Variants in OTUD7A observed in about 807,000 individuals in gnomAD.
OTUD7A encodes OTU domain-containing protein 7A.
In OTUD7A, 12 loss-of-function variants were observed where a neutral mutation model predicts 65.7. That is an observed-to-expected ratio of 0.18 (90% confidence interval 0.12 to 0.30). The LOEUF (loss-of-function observed/expected upper bound fraction) is 0.30, where lower values mean the gene tolerates loss of function less well. Ranked by LOEUF, OTUD7A falls within the 10% of genes least tolerant of loss-of-function variation. The pLI, the probability that OTUD7A is intolerant of heterozygous loss-of-function variation, is 1.00. For missense variants in OTUD7A, 1,148 were observed against 1,304.8 expected (o/e 0.88, Z 1.85); for synonymous variants, 641 against 586.3 (o/e 1.09, Z -1.35).
chr15:31,561,663 A>G (rs750354319), intron 4 of OTUD7A, among the ~76,000 whole-genome samples: 1 of 152,150 alleles, frequency 6.6e-6, no homozygotes, highest in Non-Finnish European at 1.5e-5. Context: ...TTTTTGAACT[A>G]AAAATATTAA....
chr15:31,846,552 C>A (rs1231405833), intron 1 of OTUD7A, among the ~76,000 whole-genome samples: 1 of 152,112 alleles, frequency 6.6e-6, no homozygotes, highest in African/African-American at 2.4e-5. Context: ...AATGACCTGC[C>A]AGGCTGCACT....
intron 1 of OTUD7A, among the ~76,000 whole-genome samples, chr15:31,833,699 A>G (rs1896989029): frequency 1.3e-5 from 2 of 152,246 alleles, no homozygotes; most frequent in South Asian, 4.1e-4. Flanking sequence ...GAACCAGGCT[A>G]GATTTAAATA....
intron 5 of OTUD7A, chr15:31,557,905 A>AT (rs2141156174): frequency 6.6e-6 from 1 of 151,786 alleles, no homozygotes; most frequent in South Asian, 2.1e-4. Context: ...CTGCAGCCCT[A>AT]AACTCCTGGG....
chr15:31,812,826 AC>A (rs1276686350), intron 1 of OTUD7A, among the ~76,000 whole-genome samples: 1 of 152,102 alleles, frequency 6.6e-6, no homozygotes, highest in Non-Finnish European at 1.5e-5. Flanking sequence ...CAAGCCACAC[AC>A]CCCAAGCTGA....
At chr15:31,508,378 T>TTGC (rs938329389) in intron 8 of OTUD7A, among the ~76,000 whole-genome samples, 69 of 141,970 alleles carry the variant, frequency 4.9e-4, no homozygotes, top group African/African-American at 1.8e-3. Flanking sequence ...AGACGGAGTC[T>TTGC]TGCTCTGTCA....
At chr15:31,593,066 T>C (rs1889797415) in intron 3 of OTUD7A, among the ~76,000 whole-genome samples, 2 of 151,260 alleles carry the variant, frequency 1.3e-5, no homozygotes, top group African/African-American at 4.9e-5. Flanking sequence ...TCAAGTATTA[T>C]GTACTGTACA....
At chr15:31,768,443 G>C (rs1359784822) in intron 1 of OTUD7A, among the ~76,000 whole-genome samples, 1 of 152,156 alleles carries the variant, frequency 6.6e-6, no homozygotes, top group Non-Finnish European at 1.5e-5. Flanking sequence ...TGGATCGCTT[G>C]AGCTCAGGAG....
At chr15:31,737,949 G>GGTGTAGCTGGTAT (rs1381086987) in intron 1 of OTUD7A, among the ~76,000 whole-genome samples, 7 of 152,212 alleles carry the variant, frequency 4.6e-5, no homozygotes, top group Non-Finnish European at 1.0e-4. Flanking sequence ...GTTCATAAAT[G>GGTGTAGCTGGTAT]TATAGGTGTA....
chr15:31,710,313 T>G (rs1233938618), intron 1 of OTUD7A, among the ~76,000 whole-genome samples: 2 of 149,654 alleles, frequency 1.3e-5, no homozygotes, highest in African/African-American at 4.9e-5. Context: ...AGAAAGGGCT[T>G]TTTCTAGTCA....
chr15:31,862,379 G>T lies in OTUD7A; in HGVS notation c.-100+8128C>A, dbSNP rs116550151. On this transcript the variant is annotated intron_variant, in intron 1 of 12. Transcript: ENST00000307050. ...GAGTGAGAGGAACTTCACTTAGCAT[G>T]GCTTAACAGAGCTTGCTTGTATTAG... 7.0e-3 allele frequency among the ~76,000 whole-genome samples: 1,068 copies of T among 152,278 alleles called. 15 individuals carry two copies. The highest frequency in any genetic ancestry group is 0.025 in the African/African-American group (1,028 of 41,556).
intron 1 of OTUD7A, among the ~76,000 whole-genome samples, chr15:31,852,318 ATCT>A (rs1406748891): frequency 6.6e-6 from 1 of 152,202 alleles, no homozygotes; most frequent in African/African-American, 2.4e-5. Context: ...CTGAAGGGAA[ATCT>A]TCATCAACTC....
chr15:31,725,059 G>A (rs2141353210), intron 1 of OTUD7A, among the ~76,000 whole-genome samples: 1 of 152,276 alleles, frequency 6.6e-6, no homozygotes, highest in East Asian at 1.9e-4. Context: ...GCAGAGACCT[G>A]GGACTGCTCC....
chr15:31,631,760 C>T (rs143934234), intron 3 of OTUD7A, among the ~76,000 whole-genome samples: 3,147 of 152,212 alleles, frequency 0.021, 101 homozygotes, highest in African/African-American at 0.073. Flanking sequence ...TCACATAGTC[C>T]CATATTTCTT....
chr15:31,776,151 C>T (rs1250251440), intron 1 of OTUD7A, among the ~76,000 whole-genome samples: 1 of 152,224 alleles, frequency 6.6e-6, no homozygotes, highest in East Asian at 1.9e-4. Flanking sequence ...CGGGCTGCCC[C>T]TGACAGCTGC....
At chr15:31,849,836 C>A (rs1430589226) in intron 1 of OTUD7A, among the ~76,000 whole-genome samples, 2 of 152,180 alleles carry the variant, frequency 1.3e-5, no homozygotes, top group Non-Finnish European at 2.9e-5. Flanking sequence ...AAATGCAAAT[C>A]AAAACCACAA....
chr15:31,602,999 T>C (rs1404934961), intron 3 of OTUD7A, among the ~76,000 whole-genome samples: 3 of 152,146 alleles, frequency 2.0e-5, no homozygotes, highest in Non-Finnish European at 4.4e-5. Flanking sequence ...AACAATATCA[T>C]GAAAATGGCC....
rs534436944 is a variant in OTUD7A at position 31,728,308 on chromosome 15, C to T, written c.-99-71231G>A. 6.0e-4 allele frequency among the ~76,000 whole-genome samples: 91 copies of T among 152,298 alleles called. 1 individual carries two copies. The South Asian group carries it at 0.017, about 29-fold the overall frequency. ...AATAGCATTGAGGCTACTGGATTCTCCCCATTTTCACTTCCACCATCTGCC... is the reference window on the plus strand; with the variant it reads ...AATAGCATTGAGGCTACTGGATTCTTCCCATTTTCACTTCCACCATCTGCC... On this transcript the variant is annotated intron_variant, in intron 1 of 12. Transcript: ENST00000307050.
intron 3 of OTUD7A, among the ~76,000 whole-genome samples, chr15:31,638,328 G>T (rs1891401914): frequency 6.6e-6 from 1 of 150,994 alleles, no homozygotes; most frequent in Non-Finnish European, 1.5e-5. Context: ...ACATTTTTTA[G>T]ATATAATGCT....
At chr15:31,540,755 G>A (rs865873303) in intron 5 of OTUD7A, among the ~76,000 whole-genome samples, 3 of 152,172 alleles carry the variant, frequency 2.0e-5, no homozygotes, top group South Asian at 2.1e-4. Flanking sequence ...GAATGAATGA[G>A]TGAACCAAAA....
Sources: allele counts gnomAD v4.1 joint callset (sites outside exome capture counted in the v4.1 genomes callset), GRCh38; gene constraint gnomAD v4.1.1; transcripts MANE v1.5; gene names NCBI Gene and HGNC (gene_info 2026-07-23, HGNC 2026-07-21).